Variants in ATXN1 observed in about 807,000 individuals in gnomAD.
ATXN1 encodes ataxin-1.
A neutral mutation model predicts 56.4 loss-of-function variants in ATXN1; 8 were observed. The ratio of observed to expected loss-of-function variants is 0.14; its 90% confidence interval spans 0.08 to 0.26. The LOEUF (loss-of-function observed/expected upper bound fraction) is 0.26. ATXN1 is among the 10% of genes least tolerant of loss of function. ATXN1 has a pLI of 1.00. For synonymous variants in ATXN1, 514 were observed against 494.6 expected, an observed-to-expected ratio of 1.04 and a Z score of -0.52; for missense variants, 987 against 1,106.5, an observed-to-expected ratio of 0.89 and a Z score of 1.53.
At chr6:16,745,589 A>C (rs1234565781) in intron 2 of ATXN1, among the ~76,000 whole-genome samples, 1 of 152,166 alleles carries the variant, frequency 6.6e-6, no homozygotes, top group Admixed American at 6.5e-5. Context: ...GCTTTCCTTT[A>C]TTATTGTAAG....
rs1581380478 is a variant in ATXN1 at position 16,704,756 on chromosome 6, C to G, written c.-614-46855G>C. On this transcript the variant is annotated intron_variant, in intron 2 of 7. Coordinates refer to ENST00000436367, the MANE Select transcript of ATXN1 (RefSeq NM_001128164.2). ...AGTGTGATGCCCAAGGAGACTGTCT[C>G]CCTACCTCAGAGCTGAAGTGATCAA... is the stretch of plus-strand genomic sequence containing the variant. 2.0e-5 allele frequency among the ~76,000 whole-genome samples: 3 copies of G among 152,200 alleles called. No homozygotes were observed. The South Asian group carries it at 6.2e-4, about 31-fold the overall frequency.
chr6:16,613,694 T>C (rs1368525399), intron 3 of ATXN1, among the ~76,000 whole-genome samples: 2 of 151,998 alleles, frequency 1.3e-5, no homozygotes, highest in East Asian at 3.9e-4. Context: ...CCAGGCATAG[T>C]GGCATGCACC....
chr6:16,395,635 T>C (rs147055222), intron 6 of ATXN1, among the ~76,000 whole-genome samples: 1 of 152,170 alleles, frequency 6.6e-6, no homozygotes, highest in African/African-American at 2.4e-5. Flanking sequence ...TAGTTGATAG[T>C]GAAAATAAAT....
chr6:16,306,101 C>A lies in ATXN1; in HGVS notation c.*228G>T, dbSNP rs887380685. On this transcript the variant is annotated 3_prime_UTR_variant, in exon 8 of 8. Coordinates refer to ENST00000436367, the MANE Select transcript of ATXN1 (RefSeq NM_001128164.2). The surrounding 1 kb of genome is among the most constrained non-coding windows in gnomAD (Gnocchi z 5.2). ...CCCCGGGGATGCCTGGAGCCCTGAC[C>A]GCTCCTGCTGTGCCCTTCCTCCCGC... 5.7e-5 allele frequency: 25 copies of A among 438,096 alleles called. No homozygotes were observed. Among genetic ancestry groups the A allele is most frequent in the African/African-American group, 4.5e-4 (22 of 49,208 alleles). 27.1% of individuals were successfully genotyped at this position (438,096 alleles called of 1,614,324 possible).
intron 5 of ATXN1, among the ~76,000 whole-genome samples, chr6:16,498,529 G>A (rs1760820500): frequency 6.6e-6 from 1 of 152,180 alleles, no homozygotes; most frequent in Non-Finnish European, 1.5e-5. Context: ...TGAGTCATAT[G>A]TTAATTCTGT....
chr6:16,482,094 G>A (rs1760452191), intron 6 of ATXN1, among the ~76,000 whole-genome samples: 1 of 151,412 alleles, frequency 6.6e-6, no homozygotes, highest in Non-Finnish European at 1.5e-5. Flanking sequence ...AAATAGTCTA[G>A]ACTCTCCATC....
In ATXN1 at chr6:16,402,260, T is replaced by G. The variant is rs1467182549; in HGVS notation, c.-160-73790A>C. Reference sequence around the variant, plus strand: ...ACTGACAGTTTTTTTTTTTTTTTTTTTTTTTTTTTTTTTTTTTTTTGCTTC... The same window carrying G: ...ACTGACAGTTTTTTTTTTTTTTTTTGTTTTTTTTTTTTTTTTTTTTGCTTC... On this transcript the variant is annotated intron_variant, in intron 6 of 7. Transcript: ENST00000436367. Among the ~76,000 whole-genome samples, 267 of 121,334 alleles carry G rather than the reference T, an allele frequency of 2.2e-3. 11 individuals are homozygous for G. The highest frequency in any genetic ancestry group is 3.9e-3 in the South Asian group (15 of 3,808). The allele number at this position is 121,334 out of a possible 152,430, so 79.6% of individuals were successfully genotyped here. A position where few individuals can be genotyped will look rare whatever the true frequency, so the allele number is the denominator to read the frequency against.
intron 4 of ATXN1, among the ~76,000 whole-genome samples, chr6:16,585,331 C>T (rs1368225180): frequency 6.6e-6 from 1 of 152,044 alleles, no homozygotes; most frequent in Non-Finnish European, 1.5e-5. Context: ...AGAATGTTTA[C>T]TCAATGGTAT....
intron 2 of ATXN1, among the ~76,000 whole-genome samples, chr6:16,725,290 CCGATACTG>C (rs1759825383): frequency 6.6e-6 from 1 of 152,170 alleles, no homozygotes. Flanking sequence ...ATTTATTACT[CCGATACTG>C]CGTGTTTTCA....
intron 2 of ATXN1, among the ~76,000 whole-genome samples, chr6:16,691,163 A>T (rs1759039349): frequency 6.6e-6 from 1 of 152,218 alleles, no homozygotes; most frequent in African/African-American, 2.4e-5. Flanking sequence ...TGTCGCAGAA[A>T]TATCCCTTTG....
intron 6 of ATXN1, among the ~76,000 whole-genome samples, chr6:16,368,044 C>T (rs1268457253): frequency 6.6e-6 from 1 of 151,954 alleles, no homozygotes; most frequent in Non-Finnish European, 1.5e-5. Flanking sequence ...TTGGTGCGCA[C>T]CTGTAGTCCC....
chr6:16,319,754 T>C (rs1384733359), intron 7 of ATXN1, among the ~76,000 whole-genome samples: 2 of 152,136 alleles, frequency 1.3e-5, no homozygotes, highest in Non-Finnish European at 2.9e-5. Flanking sequence ...AATTTTTTTC[T>C]AAATGCTATA....
At position 16,344,266 on chromosome 6, in the gene ATXN1, C is replaced by T. The variant is rs1761326962; in HGVS notation, c.-160-15796G>A. Among the ~76,000 whole-genome samples the T allele has an allele frequency of 3.3e-5, 5 of 152,344 alleles. No homozygotes were observed. In the South Asian group the frequency reaches 1.0e-3, roughly 32 times the overall value. The stretch of plus-strand genomic sequence containing the variant: ...AGGCTCCAATTAGTCTAACACCAGC[C>T]ACCCCCGCATGCCTTCACCATGGTG... On this transcript the variant is annotated intron_variant, in intron 6 of 7. Coordinates refer to ENST00000436367, the MANE Select transcript of ATXN1 (RefSeq NM_001128164.2).
chr6:16,687,749 G>A (rs1192607568), intron 2 of ATXN1, among the ~76,000 whole-genome samples: 3 of 151,192 alleles, frequency 2.0e-5, no homozygotes, highest in Admixed American at 2.0e-4. Context: ...AATTTAGTCT[G>A]TATATTTATA....
At chr6:16,569,899 G>A (rs751435420) in intron 4 of ATXN1, among the ~76,000 whole-genome samples, 7 of 152,132 alleles carry the variant, frequency 4.6e-5, no homozygotes, top group Non-Finnish European at 1.0e-4. Flanking sequence ...TCTGCCAGGT[G>A]CAGAAGATCC....
chr6:16,344,268 C>T (rs1761327107), intron 6 of ATXN1, among the ~76,000 whole-genome samples: 1 of 152,246 alleles, frequency 6.6e-6, no homozygotes, highest in Non-Finnish European at 1.5e-5. Flanking sequence ...ACACCAGCCA[C>T]CCCCGCATGC....
intron 3 of ATXN1, among the ~76,000 whole-genome samples, chr6:16,607,991 A>G (rs1048037588): frequency 6.6e-6 from 1 of 152,226 alleles, no homozygotes; most frequent in Non-Finnish European, 1.5e-5. Flanking sequence ...TGAAACATTA[A>G]AGTCTCATGG....
chr6:16,689,017 C>CGTGTATATGCAGAT (rs1289185899), intron 2 of ATXN1, among the ~76,000 whole-genome samples: 1 of 150,812 alleles, frequency 6.6e-6, no homozygotes, highest in African/African-American at 2.5e-5. Context: ...CATATGTGTA[C>CGTGTATATGCAGAT]GTGTATATGC....
chr6:16,380,472 T>C (rs980094656), intron 6 of ATXN1, among the ~76,000 whole-genome samples: 2 of 150,672 alleles, frequency 1.3e-5, no homozygotes, highest in Non-Finnish European at 2.9e-5. Flanking sequence ...CTGGCATCCA[T>C]GTGACTTTTT....
Sources: gnomAD v4.1 joint callset for allele counts (sites outside exome capture counted in the v4.1 genomes callset) on GRCh38, gnomAD v4.1.1 for gene constraint, Gnocchi (gnomAD v3.1) non-coding constraint, MANE v1.5 for transcripts, NCBI Gene and HGNC (gene_info 2026-07-23, HGNC 2026-07-21) for gene names.